The following PRKAG2 variants were observed in gnomAD, a reference collection of about 807,000 sequenced individuals.
PRKAG2 encodes the protein 5'-AMP-activated protein kinase subunit gamma-2.
A neutral mutation model predicts 69.6 loss-of-function variants in PRKAG2; 26 were observed. The observed-to-expected ratio is 0.37, with a 90% CI of 0.27 to 0.52. The LOEUF is 0.52. Among genes scored for constraint, PRKAG2 ranks in the 20% least tolerant of loss-of-function variants. The probability of loss-of-function intolerance (pLI) is 0.90; values close to 1 mark genes in which losing one functional copy is unlikely to be tolerated. For synonymous variants in PRKAG2, 293 were observed against 285.0 expected, an observed-to-expected ratio of 1.03 and a Z score of -0.28; for missense variants, 557 against 740.0, an observed-to-expected ratio of 0.75 and a Z score of 2.87.
Position 151,653,096 on chromosome 7 carries a change from G to T in PRKAG2, c.685-20958C>A, listed in dbSNP as rs1428474633. ...ACTTAATGCCCTAGAATTGTGTGAGGTATCAACAGAAAAAACTTTAATCAT... is the reference window on the plus strand; with the variant it reads ...ACTTAATGCCCTAGAATTGTGTGAGTTATCAACAGAAAAAACTTTAATCAT... On this transcript the variant is annotated intron_variant, in intron 4 of 15. Transcript: ENST00000287878. Among the ~76,000 whole-genome samples, 3 of 152,034 alleles carry T rather than the reference G, an allele frequency of 2.0e-5. No individual in the cohort carries two copies. In the East Asian group the frequency reaches 5.8e-4, roughly 29 times the overall value.
At chr7:151,860,170 C>A (rs536470135) in intron 1 of PRKAG2, among the ~76,000 whole-genome samples, 124 of 152,334 alleles carry the variant, frequency 8.1e-4, no homozygotes, top group African/African-American at 2.7e-3. Context: ...TAACCAGCAG[C>A]TATGATATGC....
At position 151,632,197 on chromosome 7, in the gene PRKAG2, C is replaced by T; in HGVS notation, c.685-59G>A. ...AGCTGCGACGCTCGTCCCCGGCCGG[C>T]GGGCTCGCGGCCGGCCGAGCGCTGG... is the stretch of plus-strand genomic sequence containing the variant. On this transcript the variant is annotated intron_variant, in intron 4 of 15. Transcript: ENST00000287878. This position sits in a 1 kb window ranked among gnomAD's most constrained non-coding sequence, Gnocchi z 4.2. 14 of 1,185,320 alleles carry T rather than the reference C, an allele frequency of 1.2e-5. No homozygotes were observed. The East Asian group carries it at 1.2e-4, about 10-fold the overall frequency. The allele number at this position is 1,185,320 out of a possible 1,614,324, so 73.4% of individuals were successfully genotyped here.
At chr7:151,714,152 G>A (rs188426102) in intron 3 of PRKAG2, among the ~76,000 whole-genome samples, 1 of 152,120 alleles carries the variant, frequency 6.6e-6, no homozygotes, top group Non-Finnish European at 1.5e-5. Context: ...GGGCTTTACG[G>A]GGTTGTCATG....
chr7:151,656,970 C>T (rs749463453), intron 4 of PRKAG2, among the ~76,000 whole-genome samples: 5 of 152,052 alleles, frequency 3.3e-5, no homozygotes, highest in Admixed American at 6.5e-5. Context: ...AACCCCATCT[C>T]TACTAAAAAT....
At chr7:151,738,477 C>T (rs2073624283) in intron 3 of PRKAG2, among the ~76,000 whole-genome samples, 1 of 152,280 alleles carries the variant, frequency 6.6e-6, no homozygotes, top group South Asian at 2.1e-4. Context: ...GTGACATGTT[C>T]ATAATGGCCC....
intron 3 of PRKAG2, among the ~76,000 whole-genome samples, chr7:151,761,184 A>G (rs2075392225): frequency 6.6e-6 from 1 of 152,146 alleles, no homozygotes; most frequent in Non-Finnish European, 1.5e-5. Flanking sequence ...TATAGTTTAA[A>G]CTACATACAG....
In PRKAG2 at chr7:151,571,703, T is replaced by G. The variant is rs540718478; in HGVS notation, c.1051+961A>C. Among the ~76,000 whole-genome samples the G allele has an allele frequency of 6.6e-4, 100 of 152,336 alleles. 1 individual carries two copies. In the Middle Eastern group the frequency reaches 0.02, roughly 31 times the overall value. ...GACTGTACAGATCCCATGCCAAATT[T>G]GTTTAGCTTGGTTTGACAAAGCCGT... On this transcript the variant is annotated intron_variant, in intron 9 of 15. Coordinates refer to ENST00000287878, the MANE Select transcript of PRKAG2 (RefSeq NM_016203.4).
chr7:151,632,004 G>C lies in PRKAG2; in HGVS notation c.754+65C>G, dbSNP rs1585368552. On this transcript the variant is annotated intron_variant, in intron 5 of 15. Transcript: ENST00000287878. The surrounding 1 kb of genome is among the most constrained non-coding windows in gnomAD (Gnocchi z 4.2). ...GGAGATGGGGCGCGGGGTCCCCGCG[G>C]GTCCCGGTCCTCGGGCGGCCGGGCC... 1 of 1,184,498 alleles carries C rather than the reference G, an allele frequency of 8.4e-7. No individual in the cohort carries two copies. The highest frequency in any genetic ancestry group is 1.0e-6 in the Non-Finnish European group (1 of 955,046). The allele number at this position is 1,184,498 out of a possible 1,614,324, so 73.4% of individuals were successfully genotyped here.
chr7:151,562,244 C>CAAAAAAAAAAAAAAA lies in PRKAG2; in HGVS notation c.1585-1642_1585-1628dup, dbSNP rs575674668. Among the ~76,000 whole-genome samples the CAAAAAAAAAAAAAAA allele has an allele frequency of 1.4e-3, 53 of 38,478 alleles. 3 individuals carry two copies. Among genetic ancestry groups the CAAAAAAAAAAAAAAA allele is most frequent in the Middle Eastern group, 0.025 (1 of 40 alleles). The allele number at this position is 38,478 out of a possible 152,430, so 25.2% of individuals were successfully genotyped here. ...TGGGCGACAGAGTGAGACTTTGTCT[C>CAAAAAAAAAAAAAAA]AAAAAAAAAAAAAAAAAAAAAAAAA... On this transcript the variant is annotated intron_variant, in intron 14 of 15. Transcript: ENST00000287878.
intron 6 of PRKAG2, among the ~76,000 whole-genome samples, chr7:151,592,903 C>T (rs962650954): frequency 2.6e-5 from 4 of 152,136 alleles, no homozygotes; most frequent in African/African-American, 9.7e-5. Flanking sequence ...CATCTTTTTA[C>T]CTTGACTTAA....
chr7:151,631,729 T>C (rs1293669821), intron 5 of PRKAG2: 3 of 464,372 alleles, frequency 6.5e-6, no homozygotes, highest in Non-Finnish European at 1.3e-5. Flanking sequence ...TCCGAGTGCA[T>C]GGTGACAAGC....
intron 3 of PRKAG2, among the ~76,000 whole-genome samples, chr7:151,678,963 CA>C (rs377614151): frequency 2.1e-5 from 3 of 144,622 alleles, no homozygotes; most frequent in African/African-American, 5.1e-5. Flanking sequence ...GACTCTGTCT[CA>C]AAAAAAAAGA....
chr7:151,870,950 C>T (rs182105593), intron 1 of PRKAG2, among the ~76,000 whole-genome samples: 18 of 152,314 alleles, frequency 1.2e-4, no homozygotes, highest in Admixed American at 7.8e-4. Context: ...AGAGGGCCAG[C>T]GACATGTACA....
At chr7:151,817,142 G>A (rs192439186) in intron 1 of PRKAG2, among the ~76,000 whole-genome samples, 8 of 152,262 alleles carry the variant, frequency 5.3e-5, no homozygotes, top group Middle Eastern at 3.4e-3. Flanking sequence ...ACTGCACTCC[G>A]CATGCAGGTG....
intron 3 of PRKAG2, among the ~76,000 whole-genome samples, chr7:151,747,927 T>C (rs1011077714): frequency 6.6e-6 from 1 of 151,146 alleles, no homozygotes; most frequent in Non-Finnish European, 1.5e-5. Flanking sequence ...ACTTTTTTTT[T>C]TTTTTTTTTT....
intron 6 of PRKAG2, among the ~76,000 whole-genome samples, chr7:151,589,394 T>C (rs1217989706): frequency 3.9e-5 from 6 of 152,332 alleles, no homozygotes. Context: ...CATGGGTCAC[T>C]GAGCCTCATC....
intron 3 of PRKAG2, among the ~76,000 whole-genome samples, chr7:151,757,828 C>G (rs1487166196): frequency 6.6e-6 from 1 of 152,190 alleles, no homozygotes; most frequent in Non-Finnish European, 1.5e-5. Context: ...ACAATAGAAT[C>G]GAAAATAAAG....
In PRKAG2 at chr7:151,771,494, G is replaced by A. The variant is rs10254842; in HGVS notation, c.466+9658C>T. Reference sequence around the variant, plus strand: ...CTTTTGCTGTATCTGAACAACTGTGGGAGGAATCATTTTGTATGCATGCAG... The same window carrying A: ...CTTTTGCTGTATCTGAACAACTGTGAGAGGAATCATTTTGTATGCATGCAG... On this transcript the variant is annotated intron_variant, in intron 3 of 15. Coordinates refer to ENST00000287878, the MANE Select transcript of PRKAG2 (RefSeq NM_016203.4). This position sits in a 1 kb window ranked among gnomAD's most constrained non-coding sequence, Gnocchi z 4.0. 0.029 allele frequency among the ~76,000 whole-genome samples: 4,448 copies of A among 152,176 alleles called. 177 individuals are homozygous for A. Among genetic ancestry groups the A allele is most frequent in the African/African-American group, 0.094 (3,885 of 41,484 alleles).
In PRKAG2 at chr7:151,777,286, G is replaced by A. The variant is rs1054435173; in HGVS notation, c.466+3866C>T. On this transcript the variant is annotated intron_variant, in intron 3 of 15. Coordinates refer to ENST00000287878, the MANE Select transcript of PRKAG2 (RefSeq NM_016203.4). This position sits in a 1 kb window ranked among gnomAD's most constrained non-coding sequence, Gnocchi z 4.3. ...TGCGTTCCCTCACTGTGAGCACAGT[G>A]TCTGCTGGGACCCGCTGAGATCCAG... Among the ~76,000 whole-genome samples the A allele has an allele frequency of 1.3e-5, 2 of 152,236 alleles. No individual in the cohort carries two copies. Among genetic ancestry groups the A allele is most frequent in the African/African-American group, 4.8e-5 (2 of 41,464 alleles).
Sources: gnomAD v4.1 joint callset for allele counts (sites outside exome capture counted in the v4.1 genomes callset) on GRCh38, gnomAD v4.1.1 for gene constraint, Gnocchi (gnomAD v3.1) non-coding constraint, MANE v1.5 for transcripts, NCBI Gene and HGNC (gene_info 2026-07-23, HGNC 2026-07-21) for gene names.